KIAA1671: variants seen among roughly 807,000 people sequenced by gnomAD.
KIAA1671 encodes the protein uncharacterized protein KIAA1671.
KIAA1671 carries 52 observed loss-of-function variants against 131.2 expected under a neutral mutation model. That is an observed-to-expected ratio of 0.40 (90% CI 0.32 to 0.50). The LOEUF is 0.50. Among genes scored for constraint, KIAA1671 ranks in the 20% least tolerant of loss-of-function variants. KIAA1671 has a pLI of 0.73. For synonymous variants in KIAA1671, 1,003 were observed against 961.6 expected, an observed-to-expected ratio of 1.04 and a Z score of -0.80; for missense variants, 2,360 against 2,364.2, an observed-to-expected ratio of 1.00 and a Z score of 0.04.
chr22:25,095,170 T>C (rs1367471938), intron 6 of KIAA1671, among the ~76,000 whole-genome samples: 18 of 152,054 alleles, frequency 1.2e-4, no homozygotes, highest in Admixed American at 2.6e-4. Context: ...TGAACCTCAG[T>C]TTCCCCCTCT....
chr22:24,979,407 T>C (rs1295728949), intron 1 of KIAA1671, among the ~76,000 whole-genome samples: 7 of 150,780 alleles, frequency 4.6e-5, no homozygotes, highest in African/African-American at 1.7e-4. Context: ...CGGACTGCAG[T>C]GCGGCTATCT....
intron 6 of KIAA1671, among the ~76,000 whole-genome samples, chr22:25,068,137 G>A (rs1779305337): frequency 6.9e-6 from 1 of 144,940 alleles, no homozygotes; most frequent in Admixed American, 6.7e-5. Flanking sequence ...CAGCTGTACT[G>A]TCTGGCAGTT....
intron 1 of KIAA1671, among the ~76,000 whole-genome samples, chr22:25,016,409 A>G (rs1273528927): frequency 6.6e-6 from 1 of 152,210 alleles, no homozygotes; most frequent in African/African-American, 2.4e-5. Flanking sequence ...TGTCAGTTGC[A>G]GAGAGAAGTG....
intron 8 of KIAA1671, 47 bp downstream of exon 8, chr22:25,174,536 C>A: frequency 2.7e-6 from 4 of 1,473,520 alleles, no homozygotes; most frequent in Non-Finnish European, 3.6e-6. Context: ...AAATTCCAGC[C>A]TCTCTCTGTG....
At chr22:25,185,561 C>T (rs1299625782) in intron 11 of KIAA1671, 1 of 163,442 alleles carries the variant, frequency 6.1e-6, no homozygotes, top group Non-Finnish European at 1.3e-5. Flanking sequence ...TCACTCCCTT[C>T]GTGGAACAGC....
intron 6 of KIAA1671, among the ~76,000 whole-genome samples, chr22:25,083,709 A>G (rs1929533529): frequency 6.6e-6 from 1 of 152,224 alleles, no homozygotes; most frequent in Admixed American, 6.5e-5. Flanking sequence ...TACCTTTTCC[A>G]CATTCTATTG....
chr22:25,172,151 G>A (rs1176713902), intron 7 of KIAA1671, among the ~76,000 whole-genome samples: 3 of 152,156 alleles, frequency 2.0e-5, no homozygotes, highest in Non-Finnish European at 4.4e-5. Context: ...GCACTGGACT[G>A]AGAGTCTGGA....
intron 5 of KIAA1671, among the ~76,000 whole-genome samples, chr22:25,044,048 A>T (rs1602093639): frequency 1.3e-5 from 2 of 152,078 alleles, no homozygotes; most frequent in East Asian, 3.8e-4. Flanking sequence ...CCTTCAGTTA[A>T]GAGTGGGTAA....
At chr22:25,153,538 G>A (rs1456671236) in intron 6 of KIAA1671, among the ~76,000 whole-genome samples, 1 of 152,218 alleles carries the variant, frequency 6.6e-6, no homozygotes, top group Non-Finnish European at 1.5e-5. Context: ...GAAAAGTCCT[G>A]AGTTGGAAAC....
At chr22:25,016,272 G>C (rs1925314915) in intron 1 of KIAA1671, among the ~76,000 whole-genome samples, 1 of 152,004 alleles carries the variant, frequency 6.6e-6, no homozygotes, top group African/African-American at 2.4e-5. Flanking sequence ...GCCCGCCTCG[G>C]CCTCCCAAAG....
chr22:25,174,681 A>C, intron 8 of KIAA1671, 192 bp downstream of exon 8: 1 of 563,100 alleles, frequency 1.8e-6, no homozygotes, highest in East Asian at 3.1e-5. Context: ...CTTGGGGCAA[A>C]TGTCTTCACC....
chr22:25,049,451 A>G, intron 6 of KIAA1671, 87 bp downstream of exon 6: 1 of 1,454,944 alleles, frequency 6.9e-7, no homozygotes, highest in Non-Finnish European at 9.2e-7. Context: ...GAGCATCTGG[A>G]CAGCCCAGGG....
At chr22:25,192,184 C>A (rs907326075) in intron 12 of KIAA1671, among the ~76,000 whole-genome samples, 1 of 152,066 alleles carries the variant, frequency 6.6e-6, no homozygotes, top group African/African-American at 2.4e-5. Context: ...AGACTGGAAC[C>A]CTGACCTGAC....
At chr22:25,079,085 A>G (rs909434506) in intron 6 of KIAA1671, among the ~76,000 whole-genome samples, 1 of 152,184 alleles carries the variant, frequency 6.6e-6, no homozygotes, top group Non-Finnish European at 1.5e-5. Context: ...GGCATACAGT[A>G]GGTGCTGAAT....
intron 1 of KIAA1671, among the ~76,000 whole-genome samples, chr22:24,992,742 G>A (rs1016926465): frequency 5.4e-5 from 8 of 147,236 alleles, no homozygotes; most frequent in African/African-American, 2.0e-4. Context: ...TTGAACCCGG[G>A]AGGCGGAGGT....
chr22:25,196,631 T>G lies in KIAA1671; in HGVS notation c.*4230T>G, dbSNP rs1601403498. The G allele has an allele frequency of 6.6e-6, 1 of 152,040 alleles. No individual in the cohort carries two copies. The highest frequency in any genetic ancestry group is 1.9e-4 in the East Asian group (1 of 5,164). 9.4% of individuals were successfully genotyped at this position (152,040 alleles called of 1,614,324 possible). A position where few individuals can be genotyped will look rare whatever the true frequency, so the allele number is the denominator to read the frequency against. ...TTAAATCTGTTTTGTAGAAACAGGA[T>G]CTCACTATATTGCCCAAGCTGGTCT... is the stretch of plus-strand genomic sequence containing the variant. On this transcript the variant is annotated 3_prime_UTR_variant, in exon 13 of 13. Coordinates refer to ENST00000358431, the MANE Select transcript of KIAA1671 (RefSeq NM_001145206.2).
In KIAA1671 at chr22:25,039,237, G is replaced by A. The variant is rs1188045784; in HGVS notation, c.2107G>A (p.Asp703Asn). 2.6e-6 allele frequency: 4 copies of A among 1,552,148 alleles called. No homozygotes were observed. The African/African-American group carries it at 5.5e-5, about 21-fold the overall frequency. The change falls in exon 5 of 13, where the codon GAC (aspartate) becomes AAC (asparagine). Residue 703 changes from aspartate (D) to asparagine (N), a missense_variant. Asp to Asn is a conservative substitution (Grantham distance 23, BLOSUM62 1). Transcript: ENST00000358431. ...GAGACCGTATCACACGCCTCTCCGG[G>A]ACAAATACCCTTTGTCTGAAAACCA... ...ELRPYHTPLRDKYPLSENHNN... is the reference protein window; with the variant it reads ...ELRPYHTPLRNKYPLSENHNN...
At chr22:25,025,484 G>GCATCCCTTCTGCTTCCC (rs1925897589) in intron 1 of KIAA1671, 149 bp from the exon 2 acceptor site, 1 of 152,114 alleles carries the variant, frequency 6.6e-6, no homozygotes, top group Non-Finnish European at 1.5e-5. Context: ...TACATATAAG[G>GCATCCCTTCTGCTTCCC]CTACAAAATC....
chr22:24,986,844 G>C (rs955744058), intron 1 of KIAA1671, among the ~76,000 whole-genome samples: 2 of 151,886 alleles, frequency 1.3e-5, no homozygotes, highest in Non-Finnish European at 2.9e-5. Flanking sequence ...TCAGGCACTA[G>C]GGAGCATCCA....
Sources: allele counts gnomAD v4.1 joint callset (sites outside exome capture counted in the v4.1 genomes callset), GRCh38; gene constraint gnomAD v4.1.1; transcripts MANE v1.5; gene names NCBI Gene and HGNC (gene_info 2026-07-23, HGNC 2026-07-21).